Variants in CDH2 observed in about 807,000 individuals in gnomAD.
CDH2 encodes cadherin-2.
A neutral mutation model predicts 92.0 loss-of-function variants in CDH2; 17 were observed. That is an observed-to-expected ratio of 0.18 (90% CI 0.13 to 0.28). CDH2 has a LOEUF of 0.28. Ranked by LOEUF, CDH2 falls within the 10% of genes least tolerant of loss-of-function variation. CDH2 has a pLI of 1.00. For missense variants in CDH2, 862 were observed against 1,133.1 expected, an observed-to-expected ratio of 0.76 and a Z score of 3.44; for synonymous variants, 419 against 415.9, an observed-to-expected ratio of 1.01 and a Z score of -0.09.
At chr18:27,992,941 T>A in intron 8 of CDH2, 101 bp from the exon 9 acceptor site, 1 of 709,482 alleles carries the variant, frequency 1.4e-6, no homozygotes, top group Non-Finnish European at 2.3e-6. Context: ...CCATTAGATT[T>A]TTATTATCTA....
intron 12 of CDH2, 52 bp downstream of exon 12, chr18:27,985,476 G>A: frequency 8.3e-7 from 1 of 1,207,198 alleles, no homozygotes; most frequent in Admixed American, 2.1e-5. Context: ...TTCATGCCAG[G>A]CTTCAAAATC....
intron 2 of CDH2, among the ~76,000 whole-genome samples, chr18:28,055,065 C>T (rs1442757707): frequency 2.0e-5 from 3 of 152,108 alleles, no homozygotes; most frequent in Admixed American, 6.6e-5. Flanking sequence ...ACATGCCTCA[C>T]TTAGGACCAT....
intron 2 of CDH2, among the ~76,000 whole-genome samples, chr18:28,037,488 G>A (rs897299038): frequency 6.6e-6 from 1 of 152,138 alleles, no homozygotes; most frequent in Non-Finnish European, 1.5e-5. Flanking sequence ...GAATATTGTG[G>A]GAAGCAGCGA....
chr18:28,161,871 G>GCT (rs2016311479), intron 1 of CDH2, among the ~76,000 whole-genome samples: 1 of 152,108 alleles, frequency 6.6e-6, no homozygotes, highest in Admixed American at 6.6e-5. Flanking sequence ...CAGAACCCAG[G>GCT]CTCTTCATCA....
In CDH2 at chr18:27,963,466, T is replaced by C. The variant is rs1212946496; in HGVS notation, c.2405A>G (p.Lys802Arg). 6.2e-7 allele frequency: 1 copy of C among 1,613,870 alleles called. No individual in the cohort carries two copies. The highest frequency in any genetic ancestry group is 8.5e-7 in the Non-Finnish European group (1 of 1,179,944). Reference protein sequence around the residue: ...QPDTVEPDAIKPVGIRRMDER... With the variant: ...QPDTVEPDAIRPVGIRRMDER... ...ATCCATTCGTCGGATTCCCACAGGC[T>C]TGATGGCATCAGGCTCCACAGTGTC... Residue 802 changes from lysine (K) to arginine (R), a missense_variant, in exon 15 of 16, where the codon AAG (lysine) becomes AGG (arginine). Lys to Arg is a conservative substitution (Grantham distance 26, BLOSUM62 2). Coordinates refer to ENST00000269141, the MANE Select transcript of CDH2 (RefSeq NM_001792.5).
chr18:28,119,561 C>A (rs2015552555), intron 2 of CDH2, among the ~76,000 whole-genome samples: 1 of 151,998 alleles, frequency 6.6e-6, no homozygotes, highest in South Asian at 2.1e-4. Flanking sequence ...TAATATTGAG[C>A]AATATTGAGT....
At position 28,061,806 on chromosome 18, in the gene CDH2, T is replaced by C. The variant is rs142330972; in HGVS notation, c.173-47897A>G. Among the ~76,000 whole-genome samples, 556 of 152,270 alleles carry C rather than the reference T, an allele frequency of 3.7e-3. 3 individuals are homozygous for C. The highest frequency in any genetic ancestry group is 0.012 in the African/African-American group (506 of 41,560). ...TTACATGGCGGCAGGCAAGATAGCA[T>C]GTGCAGGGGAACTCCCCTTTATAAA... On this transcript the variant is annotated intron_variant, in intron 2 of 15. Transcript: ENST00000269141.
intron 7 of CDH2, among the ~76,000 whole-genome samples, chr18:27,999,730 A>G (rs529467079): frequency 6.0e-4 from 91 of 151,244 alleles, no homozygotes; most frequent in Non-Finnish European, 1.1e-3. Context: ...GTGTTTGTGT[A>G]TATATATATA....
At chr18:28,043,234 C>T (rs1156494707) in intron 2 of CDH2, among the ~76,000 whole-genome samples, 10 of 151,418 alleles carry the variant, frequency 6.6e-5, no homozygotes, top group African/African-American at 1.9e-4. Context: ...CACTTATAAG[C>T]GGGAGCTAAG....
At chr18:27,940,773 CA>C (rs1246001486) in intron 6 of CDH2, among the ~76,000 whole-genome samples, 1 of 152,104 alleles carries the variant, frequency 6.6e-6, no homozygotes, top group Non-Finnish European at 1.5e-5. Context: ...CTTCAAAGGA[CA>C]AAATAGCAGT....
In CDH2 at chr18:27,985,227, A is replaced by C; in HGVS notation, c.1982T>G (p.Phe661Cys). 1 of 1,580,568 alleles carries C rather than the reference A, an allele frequency of 6.3e-7. No individual in the cohort carries two copies. The highest frequency in any genetic ancestry group is 8.7e-7 in the Non-Finnish European group (1 of 1,149,860). The change falls in exon 13 of 16, where the codon TTT (phenylalanine) becomes TGT (cysteine). Residue 661 changes from phenylalanine to cysteine, a missense_variant. Physicochemically the swap from Phe to Cys is radical, Grantham distance 205 (BLOSUM62 -2). Transcript: ENST00000269141. Reference protein sequence around the residue: ...NWTITRLNGDFAQLNLKIKFL... With the variant: ...NWTITRLNGDCAQLNLKIKFL... Reference sequence around the variant, plus strand: ...TTTTATCTTTAAATTAAGCTGAGCAAAATCACCTATATGAAAAAGGAAAAA... The same window carrying C: ...TTTTATCTTTAAATTAAGCTGAGCACAATCACCTATATGAAAAAGGAAAAA...
chr18:28,004,439 G>A (rs2012855683), intron 6 of CDH2, among the ~76,000 whole-genome samples: 1 of 152,110 alleles, frequency 6.6e-6, no homozygotes, highest in African/African-American at 2.4e-5. Flanking sequence ...ACTTATAGAA[G>A]AACCACAAGA....
chr18:28,052,001 G>T (rs2014201190), intron 2 of CDH2, among the ~76,000 whole-genome samples: 1 of 152,012 alleles, frequency 6.6e-6, no homozygotes. Flanking sequence ...GCAAATACCA[G>T]ATCCCATTTG....
At chr18:28,075,622 G>A (rs764472810) in intron 2 of CDH2, among the ~76,000 whole-genome samples, 4 of 152,138 alleles carry the variant, frequency 2.6e-5, no homozygotes, top group Non-Finnish European at 5.9e-5. Flanking sequence ...AAACAGAAAA[G>A]GCTGGTATCC....
At chr18:28,025,440 T>A (rs552437842) in intron 2 of CDH2, among the ~76,000 whole-genome samples, 1 of 151,456 alleles carries the variant, frequency 6.6e-6, no homozygotes, top group African/African-American at 2.4e-5. Context: ...ATTGCTTGAA[T>A]CTGGGAGGTG....
At chr18:27,953,507 A>T (rs558341269) in intron 15 of CDH2, among the ~76,000 whole-genome samples, 1 of 152,272 alleles carries the variant, frequency 6.6e-6, no homozygotes, top group Non-Finnish European at 1.5e-5. Context: ...CCTATCTAAG[A>T]TGTGTCACAG....
At position 28,064,665 on chromosome 18, in the gene CDH2, T is replaced by TA. The variant is rs34869452; in HGVS notation, c.173-50757dup. 1.0e-3 allele frequency among the ~76,000 whole-genome samples: 141 copies of TA among 139,070 alleles called. 1 individual carries two copies. The highest frequency in any genetic ancestry group is 3.6e-3 in the East Asian group (17 of 4,730). 91.2% of individuals were successfully genotyped at this position (139,070 alleles called of 152,430 possible). ...GAAATGCGAACAAAAAAGCCCCAAT[T>TA]AAAAAAAAAAAACAACTGGAGCCCT... On this transcript the variant is annotated intron_variant, in intron 2 of 15. Coordinates refer to ENST00000269141, the MANE Select transcript of CDH2 (RefSeq NM_001792.5).
chr18:28,174,013 T>C (rs978945520), intron 1 of CDH2, among the ~76,000 whole-genome samples: 46 of 152,128 alleles, frequency 3.0e-4, no homozygotes, highest in African/African-American at 1.0e-3. Context: ...TTGAACATCA[T>C]AACATGCAAG....
At chr18:27,945,370 T>C (rs1308698275) in intron 6 of CDH2, among the ~76,000 whole-genome samples, 2 of 137,188 alleles carry the variant, frequency 1.5e-5, no homozygotes, top group African/African-American at 5.3e-5. Flanking sequence ...TTGTTGTTGC[T>C]AAGGATATGG....
Sources: gnomAD v4.1 joint callset for allele counts (sites outside exome capture counted in the v4.1 genomes callset) on GRCh38, gnomAD v4.1.1 for gene constraint, MANE v1.5 for transcripts, NCBI Gene and HGNC (gene_info 2026-07-23, HGNC 2026-07-21) for gene names.